GALNT13: variants seen among roughly 807,000 people sequenced by gnomAD.
GALNT13 encodes the protein polypeptide N-acetylgalactosaminyltransferase 13, also known as UDP-GalNAc:polypeptide N-acetylgalactosaminyltransferase 13.
GALNT13 carries 28 observed loss-of-function variants against 64.2 expected under a neutral mutation model. That is an observed-to-expected ratio of 0.44 (90% CI 0.32 to 0.60). GALNT13 has a LOEUF of 0.60. Ranked by LOEUF, GALNT13 falls within the 20% of genes least tolerant of loss-of-function variation. The probability of loss-of-function intolerance (pLI) is 0.05; values close to 1 mark genes in which losing one functional copy is unlikely to be tolerated. For missense variants in GALNT13, 577 were observed against 669.8 expected, an observed-to-expected ratio of 0.86 and a Z score of 1.53; for synonymous variants, 214 against 224.6, an observed-to-expected ratio of 0.95 and a Z score of 0.42.
At chr2:154,402,805 C>G (rs933529502) in intron 10 of GALNT13, among the ~76,000 whole-genome samples, 1 of 152,108 alleles carries the variant, frequency 6.6e-6, no homozygotes, top group East Asian at 1.9e-4. Flanking sequence ...TTTACTTCTT[C>G]CCTTGAACAA....
At chr2:154,345,670 A>C (rs1696030336) in intron 9 of GALNT13, among the ~76,000 whole-genome samples, 1 of 152,076 alleles carries the variant, frequency 6.6e-6, no homozygotes. Flanking sequence ...TGTTTGAGTG[A>C]CACAAACTCC....
intron 9 of GALNT13, among the ~76,000 whole-genome samples, chr2:154,330,287 C>T (rs1038290359): frequency 9.9e-5 from 15 of 152,082 alleles, no homozygotes; most frequent in South Asian, 2.1e-4. Flanking sequence ...TCCTGATTGT[C>T]GAGTCCAGGA....
chr2:153,871,375 CCAA>C (rs1186838881), upstream of GALNT13, among the ~76,000 whole-genome samples: 1 of 151,970 alleles, frequency 6.6e-6, no homozygotes, highest in Non-Finnish European at 1.5e-5. Flanking sequence ...GATACTGTAA[CCAA>C]CAAGAGGCCA....
At chr2:153,455,731 T>A in the GALNT13 span, among the ~76,000 whole-genome samples, 3 of 152,226 alleles carry the variant, frequency 2.0e-5, no homozygotes, top group African/African-American at 7.2e-5. Context: ...AGTGAACCCT[T>A]TGCCTTTTCA....
chr2:153,489,310 A>G, the GALNT13 span, among the ~76,000 whole-genome samples: 44 of 152,348 alleles, frequency 2.9e-4, no homozygotes, highest in African/African-American at 9.9e-4. Context: ...ACATGTAAGC[A>G]TGCTTTCTTT....
chr2:153,916,812 C>T (rs966693642), intron 2 of GALNT13, among the ~76,000 whole-genome samples: 22 of 152,200 alleles, frequency 1.4e-4, no homozygotes, highest in African/African-American at 3.6e-4. Context: ...CCTTGTTTCT[C>T]TTGAGTAGAG....
chr2:153,092,159 G>A, the GALNT13 span, among the ~76,000 whole-genome samples: 1 of 152,064 alleles, frequency 6.6e-6, no homozygotes, highest in African/African-American at 2.4e-5. Context: ...CTCTAGGTGT[G>A]CAGATTTGTT....
the GALNT13 span, among the ~76,000 whole-genome samples, chr2:153,253,092 C>G: frequency 6.6e-6 from 1 of 151,852 alleles, no homozygotes; most frequent in South Asian, 2.1e-4. Context: ...TTGATTCTTC[C>G]TACCCATGAG....
the GALNT13 span, among the ~76,000 whole-genome samples, chr2:153,799,814 C>T: frequency 6.6e-6 from 1 of 152,024 alleles, no homozygotes; most frequent in East Asian, 1.9e-4. Flanking sequence ...TGATATGTAC[C>T]ATAGGGCCCG....
At chr2:153,437,357 C>G in the GALNT13 span, among the ~76,000 whole-genome samples, 1 of 152,152 alleles carries the variant, frequency 6.6e-6, no homozygotes, top group Non-Finnish European at 1.5e-5. Flanking sequence ...TGGTGCAGAG[C>G]TGAGTTCAAT....
chr2:153,439,259 A>C, the GALNT13 span, among the ~76,000 whole-genome samples: 3 of 152,176 alleles, frequency 2.0e-5, no homozygotes, highest in Admixed American at 6.5e-5. Flanking sequence ...TAGGCTCCTC[A>C]GGTGTCAGGG....
At chr2:153,983,268 G>T (rs1439969797) in intron 3 of GALNT13, among the ~76,000 whole-genome samples, 1 of 151,652 alleles carries the variant, frequency 6.6e-6, no homozygotes, top group Admixed American at 6.6e-5. Context: ...CTGATGCAGG[G>T]TCTTATAGTA....
At chr2:153,123,293 T>A in the GALNT13 span, among the ~76,000 whole-genome samples, 1 of 152,144 alleles carries the variant, frequency 6.6e-6, no homozygotes, top group Non-Finnish European at 1.5e-5. Flanking sequence ...ACACCTTAAC[T>A]TTAAACTCCT....
chr2:153,634,189 T>G, the GALNT13 span, among the ~76,000 whole-genome samples: 1 of 152,126 alleles, frequency 6.6e-6, no homozygotes, highest in Non-Finnish European at 1.5e-5. Context: ...AATTTTAAGT[T>G]TTATGATTTT....
the GALNT13 span, among the ~76,000 whole-genome samples, chr2:153,810,355 T>C: frequency 1.1e-3 from 160 of 152,332 alleles, 2 homozygotes; most frequent in Non-Finnish European, 5.0e-4. Context: ...GATCATTGTC[T>C]CTATTTTTTC....
the GALNT13 span, among the ~76,000 whole-genome samples, chr2:153,081,051 T>C: frequency 2.0e-5 from 3 of 152,060 alleles, no homozygotes; most frequent in African/African-American, 7.2e-5. Context: ...GTGCTTCTTA[T>C]ATATAGCATA....
intron 3 of GALNT13, among the ~76,000 whole-genome samples, chr2:154,117,514 A>G (rs926313511): frequency 3.3e-5 from 5 of 152,134 alleles, no homozygotes; most frequent in Non-Finnish European, 7.3e-5. Flanking sequence ...GTGAGAACAT[A>G]TGATATTTGG....
intron 9 of GALNT13, among the ~76,000 whole-genome samples, chr2:154,389,093 T>G (rs1206117246): frequency 6.6e-6 from 1 of 152,200 alleles, no homozygotes; most frequent in Non-Finnish European, 1.5e-5. Context: ...GATATAACTT[T>G]GATTTGCTTA....
chr2:154,029,827 C>A (rs1176744731), intron 3 of GALNT13, among the ~76,000 whole-genome samples: 1 of 152,012 alleles, frequency 6.6e-6, no homozygotes, highest in Non-Finnish European at 1.5e-5. Flanking sequence ...ATACACATCA[C>A]ATAGGTAATT....
Sources: gnomAD v4.1 joint callset for allele counts (sites outside exome capture counted in the v4.1 genomes callset) on GRCh38, gnomAD v4.1.1 for gene constraint, MANE v1.5 for transcripts, NCBI Gene and HGNC (gene_info 2026-07-23, HGNC 2026-07-21) for gene names.